The following TRIM21 variants were observed in gnomAD, a reference collection of about 807,000 sequenced individuals.
TRIM21 encodes the protein tripartite motif containing 21.
TRIM21 carries 35 observed loss-of-function variants against 36.1 expected under a neutral mutation model. The ratio of observed to expected loss-of-function variants is 0.97; its 90% CI spans 0.74 to 1.28. The LOEUF (loss-of-function observed/expected upper bound fraction) is 1.28, where lower values mean the gene tolerates loss of function less well. TRIM21 is among the 50% of genes most tolerant of loss of function. The pLI, the probability that TRIM21 is intolerant of heterozygous loss-of-function variation, is 0.00. For missense variants in TRIM21, 635 were observed against 570.7 expected, an observed-to-expected ratio of 1.11 and a Z score of -1.15; for synonymous variants, 256 against 211.5, an observed-to-expected ratio of 1.21 and a Z score of -1.83.
intron 3 of TRIM21, among the ~76,000 whole-genome samples, chr11:4,389,032 G>C (rs1015270847): frequency 2.0e-5 from 3 of 152,102 alleles, no homozygotes; most frequent in Non-Finnish European, 2.9e-5. Context: ...GATGACACAT[G>C]AGGGTCTGTT....
Position 4,390,282 on chromosome 11 carries a change from A to T in TRIM21, c.128T>A (p.Val43Asp). ...ACAGACGCTGCCCCCACCTTTCCCA[A>T]CCTGAGAGATGCATTCCTGGCAGAA... ...HSFCQECISQ[V>D]GKGGGSVCPV... is the part of the protein sequence containing the mutation. Residue 43 changes from valine (V) to aspartate (D), a missense_variant, in exon 2 of 7, where the codon GTT (valine) becomes GAT (aspartate). Physicochemically the swap from Val to Asp is radical, Grantham distance 152. Coordinates refer to ENST00000254436, the MANE Select transcript of TRIM21 (RefSeq NM_003141.4). The T allele has an allele frequency of 6.2e-7, 1 of 1,613,724 alleles. No homozygotes were observed. The highest frequency in any genetic ancestry group is 8.5e-7 in the Non-Finnish European group (1 of 1,179,808).
Position 4,390,270 on chromosome 11 carries a change from C to G in TRIM21, c.140G>C (p.Gly47Ala). 1 of 1,613,982 alleles carries G rather than the reference C, an allele frequency of 6.2e-7. No individual in the cohort carries two copies. The highest frequency in any genetic ancestry group is 1.1e-5 in the South Asian group (1 of 91,084). Reference sequence around the variant, plus strand: ...CCGGCACACAGGACAGACGCTGCCCCCACCTTTCCCAACCTGAGAGATGCA... The same window carrying G: ...CCGGCACACAGGACAGACGCTGCCCGCACCTTTCCCAACCTGAGAGATGCA... ...QECISQVGKG[G>A]GSVCPVCRQR... The change falls in exon 2 of 7, where the codon GGG becomes GCG. Residue 47 changes from glycine to alanine, a missense_variant. By Grantham distance (60) the Gly-to-Ala change is moderately conservative. Coordinates refer to ENST00000254436, the MANE Select transcript of TRIM21 (RefSeq NM_003141.4).
At chr11:4,387,097 T>G in intron 4 of TRIM21, 107 bp from the exon 5 acceptor site, 2 of 1,120,072 alleles carry the variant, frequency 1.8e-6, no homozygotes, top group Non-Finnish European at 2.6e-6. Flanking sequence ...GCACTGTTCC[T>G]CTCCTTCCTC....
At chr11:4,388,597 A>G (rs1455988187) in intron 3 of TRIM21, 67 bp from the exon 4 acceptor site, 1 of 1,474,410 alleles carries the variant, frequency 6.8e-7, no homozygotes, top group East Asian at 2.3e-5. Flanking sequence ...GAATGGAGGT[A>G]TTGGTACCTA....
Position 4,390,291 on chromosome 11 carries a change from A to C in TRIM21, c.119T>G (p.Ile40Ser). Residue 40 changes from isoleucine to serine, a missense_variant, in exon 2 of 7, where the codon ATC becomes AGC. Transcript: ENST00000254436. Reference sequence around the variant, plus strand: ...GCCCCCACCTTTCCCAACCTGAGAGATGCATTCCTGGCAGAAGCTGTGGCC... The same window carrying C: ...GCCCCCACCTTTCCCAACCTGAGAGCTGCATTCCTGGCAGAAGCTGTGGCC... ...ECGHSFCQEC[I>S]SQVGKGGGSV... 6.2e-7 allele frequency: 1 copy of C among 1,613,944 alleles called. No homozygotes were observed. Among genetic ancestry groups the C allele is most frequent in the East Asian group, 2.2e-5 (1 of 44,866 alleles).
At chr11:4,389,538 C>T (rs780702041) in intron 3 of TRIM21, 116 bp downstream of exon 3, 40 of 877,220 alleles carry the variant, frequency 4.6e-5, no homozygotes, top group Admixed American at 1.6e-4. Context: ...GAGAGTGAGA[C>T]GGACCAACTC....
At position 4,385,013 on chromosome 11, in the gene TRIM21, C is replaced by A; in HGVS notation, c.*272G>T. 1 of 389,428 alleles carries A rather than the reference C, an allele frequency of 2.6e-6. No homozygotes were observed. The highest frequency in any genetic ancestry group is 4.6e-6 in the Non-Finnish European group (1 of 218,862). 24.1% of individuals were successfully genotyped at this position (389,428 alleles called of 1,614,324 possible). A position where few individuals can be genotyped will look rare whatever the true frequency, so the allele number is the denominator to read the frequency against. On this transcript the variant is annotated 3_prime_UTR_variant, in exon 7 of 7. Coordinates refer to ENST00000254436, the MANE Select transcript of TRIM21 (RefSeq NM_003141.4). ...AGAGATGGAGAGGAGAAAAAAAAAA[C>A]TTAAGTCCCATAAAGAAGGCAGAAA...
chr11:4,390,476 A>AT lies in TRIM21; in HGVS notation c.-49-19_-49-18insA. 1.4e-6 allele frequency: 2 copies of AT among 1,481,224 alleles called. No homozygotes were observed. The allele number at this position is 1,481,224 out of a possible 1,614,324, so 91.8% of individuals were successfully genotyped here. On this transcript the variant is annotated intron_variant, in intron 1 of 6. Transcript: ENST00000254436. The stretch of plus-strand genomic sequence containing the variant: ...GGGTTTGGCTGGGAGAGAAGAAGAA[A>AT]GGGAAAAGAGAATATGAGAAAGTCT...
chr11:4,389,559 C>T (rs921356162), intron 3 of TRIM21, 95 bp downstream of exon 3: 4 of 1,064,334 alleles, frequency 3.8e-6, no homozygotes, highest in Admixed American at 3.4e-5. Context: ...TATCACTGCT[C>T]AGAGAGGCAC....
rs747023173 is a variant in TRIM21, at chr11:4,385,507, C to CCTGTTGGTG, written c.1205_1206insCACCAACAG (p.Val402_Pro403insThrAsnArg). 6.2e-7 allele frequency: 1 copy of CCTGTTGGTG among 1,611,826 alleles called. No homozygotes were observed. Among genetic ancestry groups the CCTGTTGGTG allele is most frequent in the Non-Finnish European group, 8.5e-7 (1 of 1,178,884 alleles). ...GGAAAATCCCAACTTGGCATGGAGG[C>CCTGTTGGTG]ACCTGAAGGTGGAGGGGAGTCTGGG... On this transcript the variant is annotated inframe_insertion, in exon 7 of 7. Transcript: ENST00000254436.
rs1186365763 is a variant in TRIM21, at chr11:4,389,609, G to T, written c.504+45C>A. ...CTGTGAGTTGAGGACTCTGGACCCT[G>T]CCCAGCCTTCCAGCCTAAGATCTCC... is the stretch of plus-strand genomic sequence containing the variant. On this transcript the variant is annotated intron_variant, in intron 3 of 6. Transcript: ENST00000254436. The T allele has an allele frequency of 5.2e-6, 8 of 1,546,820 alleles. No homozygotes were observed. The African/African-American group carries it at 9.5e-5, about 18-fold the overall frequency.
At position 4,389,533 on chromosome 11, in the gene TRIM21, T is replaced by G; in HGVS notation, c.504+121A>C. The G allele has an allele frequency of 4.8e-6, 4 of 834,342 alleles. No homozygotes were observed. The Admixed American group carries it at 5.5e-5, about 11-fold the overall frequency. 51.7% of individuals were successfully genotyped at this position (834,342 alleles called of 1,614,324 possible). On this transcript the variant is annotated intron_variant, in intron 3 of 6. Coordinates refer to ENST00000254436, the MANE Select transcript of TRIM21 (RefSeq NM_003141.4). ...TAGAGAGCAGCTGGCTTCTGGAGAG[T>G]GAGACGGACCAACTCTATCACTGCT...
Position 4,388,337 on chromosome 11 carries a change from T to C in TRIM21, c.698A>G (p.Asp233Gly). Reference protein sequence around the residue: ...QALQELISELDRRCHSSALEL... With the variant: ...QALQELISELGRRCHSSALEL... ...CAGTGCTGAGCTGTGGCACCTTCGA[T>C]CTAGCTCTGAGATGAGCTCCTGTAG... Residue 233 changes from aspartate to glycine, a missense_variant, in exon 4 of 7, where the codon GAT becomes GGT. Coordinates refer to ENST00000254436, the MANE Select transcript of TRIM21 (RefSeq NM_003141.4). 1.2e-5 allele frequency: 20 copies of C among 1,613,974 alleles called. No individual in the cohort carries two copies. The highest frequency in any genetic ancestry group is 1.7e-5 in the Non-Finnish European group (20 of 1,179,860).
Position 4,393,615 on chromosome 11 carries a change from C to A in TRIM21, c.-50+18G>T, listed in dbSNP as rs2094965916. On this transcript the variant is annotated intron_variant, in intron 1 of 6. Coordinates refer to ENST00000254436, the MANE Select transcript of TRIM21 (RefSeq NM_003141.4). ...CCTAGGAGGGCAGGGGTCCCTTGAT[C>A]TAGTGGGGTTCACTCACCTTTACAG... 6.6e-6 allele frequency: 1 copy of A among 152,352 alleles called. No homozygotes were observed. Among genetic ancestry groups the A allele is most frequent in the Admixed American group, 6.5e-5 (1 of 15,286 alleles). The allele number at this position is 152,352 out of a possible 1,614,324, so 9.4% of individuals were successfully genotyped here. A position where few individuals can be genotyped will look rare whatever the true frequency, so the allele number is the denominator to read the frequency against.
chr11:4,385,202 T>C lies in TRIM21; in HGVS notation c.*83A>G. The C allele has an allele frequency of 2.2e-6, 3 of 1,374,166 alleles. No homozygotes were observed. The highest frequency in any genetic ancestry group is 3.0e-6 in the Non-Finnish European group (3 of 1,016,042). The allele number at this position is 1,374,166 out of a possible 1,614,324, so 85.1% of individuals were successfully genotyped here. On this transcript the variant is annotated 3_prime_UTR_variant, in exon 7 of 7. Transcript: ENST00000254436. ...ATGCCTCTGCAGAGACAAAGGTGGTTCAGAGTTCATGGGGAAAAGAGGCAG... is the reference window on the plus strand; with the variant it reads ...ATGCCTCTGCAGAGACAAAGGTGGTCCAGAGTTCATGGGGAAAAGAGGCAG...
intron 5 of TRIM21, 60 bp downstream of exon 5, chr11:4,386,908 T>C: frequency 6.5e-7 from 1 of 1,530,142 alleles, no homozygotes; most frequent in Non-Finnish European, 8.9e-7. Flanking sequence ...CAATCACCTT[T>C]GTCATAGGCA....
Position 4,390,465 on chromosome 11 carries a change from GAGA to G in TRIM21, c.-49-10_-49-8del, listed in dbSNP as rs2094961815. On this transcript the variant is annotated splice_region_variant and splice_polypyrimidine_tract_variant and intron_variant, in intron 1 of 6. Transcript: ENST00000254436. ...AGACCTTTAGGGGGTTTGGCTGGGAGAGAAGAAGAAAGGGAAAAGAGAATATGA... is the reference window on the plus strand; with the variant it reads ...AGACCTTTAGGGGGTTTGGCTGGGAGAGAAGAAAGGGAAAAGAGAATATGA... The G allele has an allele frequency of 4.0e-6, 6 of 1,513,148 alleles. No individual in the cohort carries two copies. The highest frequency in any genetic ancestry group is 2.1e-5 in the Admixed American group (1 of 46,710). The allele number at this position is 1,513,148 out of a possible 1,614,324, so 93.7% of individuals were successfully genotyped here. A position where few individuals can be genotyped will look rare whatever the true frequency, so the allele number is the denominator to read the frequency against.
chr11:4,386,338 C>T, intron 5 of TRIM21, 81 bp from the exon 6 acceptor site: 1 of 1,155,602 alleles, frequency 8.7e-7, no homozygotes, highest in East Asian at 2.5e-5. Flanking sequence ...GTGGAGGACT[C>T]CGATAATTTA....
At position 4,388,595 on chromosome 11, in the gene TRIM21, G is replaced by T. The variant is rs1054717695; in HGVS notation, c.505-65C>A. 34 of 1,505,456 alleles carry T rather than the reference G, an allele frequency of 2.3e-5. No individual in the cohort carries two copies. In the South Asian group the frequency reaches 3.8e-4, roughly 17 times the overall value. 93.3% of individuals were successfully genotyped at this position (1,505,456 alleles called of 1,614,324 possible). A position where few individuals can be genotyped will look rare whatever the true frequency, so the allele number is the denominator to read the frequency against. On this transcript the variant is annotated intron_variant, in intron 3 of 6. Transcript: ENST00000254436. ...AATCTCCCAAGCTTTGGGAATGGAG[G>T]TATTGGTACCTATTCCTATCCCCAA... is the stretch of plus-strand genomic sequence containing the variant.
Sources: allele counts gnomAD v4.1 joint callset (sites outside exome capture counted in the v4.1 genomes callset), GRCh38; gene constraint gnomAD v4.1.1; transcripts MANE v1.5; gene names NCBI Gene and HGNC (gene_info 2026-07-23, HGNC 2026-07-21).